The following VRTN variants were observed in gnomAD, a reference collection of about 807,000 sequenced individuals.
The protein encoded by VRTN is vertnin.
A neutral mutation model predicts 18.2 loss-of-function variants in VRTN; 5 were observed. The observed-to-expected ratio is 0.27, with a 90% CI of 0.14 to 0.58. The LOEUF is 0.58. Ranked by LOEUF, VRTN falls within the 20% of genes least tolerant of loss-of-function variation. The pLI is 0.91. For missense variants in VRTN, 741 were observed against 939.4 expected, an observed-to-expected ratio of 0.79 and a Z score of 2.76; for synonymous variants, 381 against 393.7, an observed-to-expected ratio of 0.97 and a Z score of 0.38.
Position 74,358,637 on chromosome 14 carries a change from G to A in VRTN, c.1854G>A (p.Gln618=). The A allele has an allele frequency of 6.2e-7, 1 of 1,608,420 alleles. No homozygotes were observed. The highest frequency in any genetic ancestry group is 8.5e-7 in the Non-Finnish European group (1 of 1,177,032). Residue 618 remains glutamine (Q), a synonymous_variant, in exon 2 of 2, where the codon CAG becomes CAA. Coordinates refer to ENST00000256362, the MANE Select transcript of VRTN (RefSeq NM_018228.3). This position sits in a 1 kb window ranked among gnomAD's most constrained non-coding sequence, Gnocchi z 5.4. ...ALQEGATAQG[Q]PHSGPLLSQP... The stretch of plus-strand genomic sequence containing the variant: ...AGGAGGGGGCCACAGCCCAGGGCCA[G>A]CCCCACAGTGGGCCCTTGCTGAGCC...
chr14:74,305,020 T>C (rs1354768313), intron 1 of VRTN, among the ~76,000 whole-genome samples: 1 of 152,102 alleles, frequency 6.6e-6, no homozygotes, highest in East Asian at 1.9e-4. Flanking sequence ...CTCAGCATTG[T>C]CTATTACTGT....
At chr14:74,332,608 C>T (rs1011744502) in intron 1 of VRTN, among the ~76,000 whole-genome samples, 9 of 151,832 alleles carry the variant, frequency 5.9e-5, no homozygotes, top group South Asian at 2.1e-4. Flanking sequence ...CTGCCCACCT[C>T]GGCCTCCCAA....
In VRTN at chr14:74,358,339, T is replaced by A; in HGVS notation, c.1556T>A (p.Val519Glu). The A allele has an allele frequency of 6.2e-7, 1 of 1,613,308 alleles. No homozygotes were observed. Among genetic ancestry groups the A allele is most frequent in the Non-Finnish European group, 8.5e-7 (1 of 1,179,874 alleles). ...RRLRRAARRQVLSGHLPFCRF... is the reference protein window; with the variant it reads ...RRLRRAARRQELSGHLPFCRF... The stretch of plus-strand genomic sequence containing the variant: ...CTGCGCAGGGCTGCCCGCAGGCAGG[T>A]GCTGAGTGGGCATCTCCCTTTCTGC... The change falls in exon 2 of 2, where the codon GTG (valine) becomes GAG (glutamate). Residue 519 changes from valine (V) to glutamate (E), a missense_variant. Transcript: ENST00000256362. The surrounding 1 kb of genome is among the most constrained non-coding windows in gnomAD (Gnocchi z 5.4).
At chr14:74,313,336 T>C (rs740526) in intron 1 of VRTN, among the ~76,000 whole-genome samples, 88,351 of 151,928 alleles carry the variant, frequency 0.58, 27,280 homozygotes, top group East Asian at 0.83. Context: ...ATAAAGCGAC[T>C]CACATCTAAT....
intron 1 of VRTN, among the ~76,000 whole-genome samples, chr14:74,333,826 C>G (rs1002734537): frequency 2.0e-5 from 3 of 150,760 alleles, no homozygotes; most frequent in Admixed American, 6.6e-5. Context: ...GGCGACAGAG[C>G]GAGACTCTGT....
At chr14:74,313,333 G>A (rs567552576) in intron 1 of VRTN, among the ~76,000 whole-genome samples, 1 of 151,938 alleles carries the variant, frequency 6.6e-6, no homozygotes, top group Admixed American at 6.6e-5. Flanking sequence ...ATGATAAAGC[G>A]ACTCACATCT....
At position 74,321,978 on chromosome 14, in the gene VRTN, C is replaced by A. The variant is rs185824325; in HGVS notation, c.-163-15745C>A. ...GCCTCAGCCTCCTGAGTAGCTGAGA[C>A]TACAGGTGTGTGCCACCACACCCAG... On this transcript the variant is annotated intron_variant, in intron 1 of 2. Transcript: ENST00000557177. 1.8e-3 allele frequency among the ~76,000 whole-genome samples: 275 copies of A among 151,992 alleles called. 6 individuals carry two copies. The highest frequency in any genetic ancestry group is 4.7e-4 in the Non-Finnish European group (32 of 67,992).
intron 1 of VRTN, among the ~76,000 whole-genome samples, chr14:74,320,361 C>T (rs1354002709): frequency 9.1e-5 from 13 of 142,944 alleles, no homozygotes; most frequent in South Asian, 2.3e-4. Context: ...CCCGGGTTCA[C>T]GCCATTCTCC....
intron 1 of VRTN, among the ~76,000 whole-genome samples, chr14:74,332,106 G>C (rs1388799762): frequency 6.6e-6 from 1 of 152,078 alleles, no homozygotes; most frequent in Non-Finnish European, 1.5e-5. Flanking sequence ...AAAAAGGAAG[G>C]TCCCATCTCT....
chr14:74,345,338 C>G (rs1052579443), upstream of VRTN, among the ~76,000 whole-genome samples: 1 of 148,334 alleles, frequency 6.7e-6, no homozygotes, highest in African/African-American at 2.5e-5. Flanking sequence ...AGCCACTGCA[C>G]CCTGCCTATT....
At chr14:74,339,324 A>G (rs1168842347) in intron 2 of VRTN, among the ~76,000 whole-genome samples, 4 of 152,114 alleles carry the variant, frequency 2.6e-5, no homozygotes, top group Non-Finnish European at 5.9e-5. Flanking sequence ...TTCTGTAACT[A>G]GGAAGTAGGG....
At chr14:74,314,206 A>G (rs2085405360) in intron 1 of VRTN, among the ~76,000 whole-genome samples, 1 of 151,894 alleles carries the variant, frequency 6.6e-6, no homozygotes, top group African/African-American at 2.4e-5. Flanking sequence ...ATCATGGCTC[A>G]TTGCAGCCTT....
chr14:74,353,605 G>T (rs2085701643), intron 1 of VRTN, among the ~76,000 whole-genome samples: 2 of 151,914 alleles, frequency 1.3e-5, no homozygotes, highest in Non-Finnish European at 2.9e-5. Flanking sequence ...GTTTATATAG[G>T]TTATATCTAC....
At chr14:74,342,484 C>T (rs1338606900) in intron 2 of VRTN, among the ~76,000 whole-genome samples, 2 of 151,950 alleles carry the variant, frequency 1.3e-5, no homozygotes, top group East Asian at 3.9e-4. Flanking sequence ...CGCACATACA[C>T]GTGAATGTAT....
At chr14:74,330,747 T>G (rs1208044209) in intron 1 of VRTN, among the ~76,000 whole-genome samples, 2 of 151,260 alleles carry the variant, frequency 1.3e-5, no homozygotes, top group Non-Finnish European at 2.9e-5. Context: ...AACAGCAGTA[T>G]CAGACTTTCT....
Position 74,359,119 on chromosome 14 carries a change from C to A in VRTN, c.*227C>A. On this transcript the variant is annotated 3_prime_UTR_variant, in exon 2 of 2. Transcript: ENST00000256362. ...CTGTGGGACCAGAGATATCCTCTTTCGTTGTTTGCTGGTCATATTTTTACT... is the reference window on the plus strand; with the variant it reads ...CTGTGGGACCAGAGATATCCTCTTTAGTTGTTTGCTGGTCATATTTTTACT... 1 of 807,102 alleles carries A rather than the reference C, an allele frequency of 1.2e-6. No individual in the cohort carries two copies. The highest frequency in any genetic ancestry group is 1.7e-6 in the Non-Finnish European group (1 of 575,848). The allele number at this position is 807,102 out of a possible 1,614,324, so 50.0% of individuals were successfully genotyped here. A position where few individuals can be genotyped will look rare whatever the true frequency, so the allele number is the denominator to read the frequency against.
intron 1 of VRTN, among the ~76,000 whole-genome samples, chr14:74,303,843 ATTTTTTTTT>A (rs67822776): frequency 6.8e-5 from 6 of 88,500 alleles, no homozygotes; most frequent in African/African-American, 1.0e-4. Flanking sequence ...ACAATTACAG[ATTTTTTTTT>A]TTTTTTTTTT....
intron 1 of VRTN, among the ~76,000 whole-genome samples, chr14:74,323,100 T>G (rs1412898318): frequency 1.3e-5 from 2 of 151,892 alleles, no homozygotes; most frequent in Non-Finnish European, 2.9e-5. Flanking sequence ...GCCACTGCAC[T>G]CCAGCTTGGG....
At chr14:74,310,101 T>C (rs2085377615) in intron 1 of VRTN, among the ~76,000 whole-genome samples, 1 of 152,050 alleles carries the variant, frequency 6.6e-6, no homozygotes, top group African/African-American at 2.4e-5. Flanking sequence ...TTGCAGCTAT[T>C]AATAAGAAGG....
Sources: gnomAD v4.1 joint callset for allele counts (sites outside exome capture counted in the v4.1 genomes callset) on GRCh38, gnomAD v4.1.1 for gene constraint, Gnocchi (gnomAD v3.1) non-coding constraint, MANE v1.5 for transcripts, NCBI Gene and HGNC (gene_info 2026-07-23, HGNC 2026-07-21) for gene names.